CACNG5: variants seen among roughly 807,000 people sequenced by gnomAD.
CACNG5 encodes calcium voltage-gated channel auxiliary subunit gamma 5, also known as voltage-dependent calcium channel gamma-5 subunit.
A neutral mutation model predicts 24.8 loss-of-function variants in CACNG5; 18 were observed. That is an observed-to-expected ratio of 0.73 (90% confidence interval 0.50 to 1.08). CACNG5 has a LOEUF of 1.08. CACNG5 is among the 50% of genes least tolerant of loss of function. The probability of loss-of-function intolerance (pLI) is 0.00; values close to 1 mark genes in which losing one functional copy is unlikely to be tolerated. For missense variants in CACNG5, 349 were observed against 367.9 expected (o/e 0.95, Z 0.42); for synonymous variants, 157 against 149.1 (o/e 1.05, Z -0.39).
At chr17:66,837,850 C>T (rs1976502268) in intron 1 of CACNG5, among the ~76,000 whole-genome samples, 1 of 151,694 alleles carries the variant, frequency 6.6e-6, no homozygotes, top group African/African-American at 2.4e-5. Context: ...CTCAAGAAGG[C>T]CCCAGGGAGA....
At chr17:66,867,940 A>G (rs777472454) in intron 1 of CACNG5, among the ~76,000 whole-genome samples, 23 of 152,126 alleles carry the variant, frequency 1.5e-4, no homozygotes, top group Non-Finnish European at 3.2e-4. Context: ...CTTAGGATTG[A>G]CCTTCCATTT....
At chr17:66,857,940 C>T (rs1976803978) in intron 1 of CACNG5, among the ~76,000 whole-genome samples, 1 of 152,192 alleles carries the variant, frequency 6.6e-6, no homozygotes, top group Non-Finnish European at 1.5e-5. Flanking sequence ...AGATGACACT[C>T]ATGGGCAGCG....
intron 2 of CACNG5, among the ~76,000 whole-genome samples, 180 bp from the exon 3 acceptor site, chr17:66,878,792 T>C (rs561967155): frequency 6.6e-6 from 1 of 152,286 alleles, no homozygotes; most frequent in African/African-American, 2.4e-5. Flanking sequence ...AGGACGTGCC[T>C]CCACCCCTGC....
chr17:66,864,186 A>C (rs1976899679), intron 1 of CACNG5, among the ~76,000 whole-genome samples: 1 of 152,128 alleles, frequency 6.6e-6, no homozygotes, highest in South Asian at 2.1e-4. Flanking sequence ...TCATGAATTG[A>C]GCTGATTTGA....
intron 1 of CACNG5, among the ~76,000 whole-genome samples, chr17:66,873,956 T>A (rs1035827283): frequency 2.6e-5 from 4 of 151,632 alleles, no homozygotes; most frequent in African/African-American, 9.7e-5. Context: ...TTTTTTTCCT[T>A]TTAACCAGAG....
At chr17:66,870,606 T>C (rs961397642) in intron 1 of CACNG5, among the ~76,000 whole-genome samples, 1 of 152,154 alleles carries the variant, frequency 6.6e-6, no homozygotes, top group African/African-American at 2.4e-5. Context: ...TCAGGTTTCT[T>C]ACATGAGGCT....
At chr17:66,865,552 T>G (rs1976917074) in intron 1 of CACNG5, among the ~76,000 whole-genome samples, 1 of 152,148 alleles carries the variant, frequency 6.6e-6, no homozygotes, top group Non-Finnish European at 1.5e-5. Context: ...TCTGTCTATG[T>G]AGCAGGACAT....
At chr17:66,875,429 A>G (rs1274531034) in intron 1 of CACNG5, among the ~76,000 whole-genome samples, 1 of 152,152 alleles carries the variant, frequency 6.6e-6, no homozygotes, top group African/African-American at 2.4e-5. Context: ...AAGCCAATAT[A>G]TGGCTCACTC....
At chr17:66,849,500 G>T (rs1167246313) in intron 1 of CACNG5, among the ~76,000 whole-genome samples, 1 of 152,212 alleles carries the variant, frequency 6.6e-6, no homozygotes, top group Non-Finnish European at 1.5e-5. Flanking sequence ...TGAACCTTGG[G>T]ATTACACTTC....
rs1977145358 is a variant in CACNG5 at position 66,880,624 on chromosome 17, G to A, written c.351G>A (p.Leu117=). The A allele has an allele frequency of 3.1e-6, 5 of 1,614,222 alleles. No individual in the cohort carries two copies. The highest frequency in any genetic ancestry group is 4.2e-6 in the Non-Finnish European group (5 of 1,180,028). The stretch of plus-strand genomic sequence containing the variant: ...TCTTCATGTTCATTGGGTTTATCCT[G>A]AACAACATCGGACACATCCGTCCCC... ...SLFFMFIGFI[L]NNIGHIRPHR... is the part of the protein sequence containing the mutation. Residue 117 remains leucine, a synonymous_variant, in exon 4 of 6, where the codon CTG becomes CTA. Coordinates refer to ENST00000533854, the MANE Select transcript of CACNG5 (RefSeq NM_145811.3).
Position 66,850,580 on chromosome 17 carries a change from A to G in CACNG5, c.-104+15330A>G, listed in dbSNP as rs1041757182. 3.5e-5 allele frequency among the ~76,000 whole-genome samples: 5 copies of G among 144,298 alleles called. No homozygotes were observed. The South Asian group carries it at 9.4e-4, about 27-fold the overall frequency. 94.7% of individuals were successfully genotyped at this position (144,298 alleles called of 152,430 possible). On this transcript the variant is annotated intron_variant, in intron 1 of 5. Coordinates refer to ENST00000533854, the MANE Select transcript of CACNG5 (RefSeq NM_145811.3). ...TTTTAAAATTAAAGTTCACATATAT[A>G]TATACATACACAAATACATACACAC...
intron 4 of CACNG5, among the ~76,000 whole-genome samples, chr17:66,882,592 C>T (rs1187466915): frequency 6.6e-6 from 1 of 152,086 alleles, no homozygotes; most frequent in Non-Finnish European, 1.5e-5. Context: ...TTCATGGAGA[C>T]CTTTTCTTTT....
chr17:66,843,539 G>A (rs1405960470), intron 1 of CACNG5, among the ~76,000 whole-genome samples: 4 of 152,212 alleles, frequency 2.6e-5, no homozygotes, highest in Non-Finnish European at 5.9e-5. Context: ...TAGATGTGGT[G>A]CAGTCTTGGG....
intron 1 of CACNG5, among the ~76,000 whole-genome samples, chr17:66,843,997 C>T (rs1976602906): frequency 6.6e-6 from 1 of 152,072 alleles, no homozygotes; most frequent in Non-Finnish European, 1.5e-5. Context: ...TGTCCATACT[C>T]TCTGGGGTCT....
At chr17:66,855,065 A>G (rs1272356768) in intron 1 of CACNG5, among the ~76,000 whole-genome samples, 1 of 152,240 alleles carries the variant, frequency 6.6e-6, no homozygotes, top group East Asian at 1.9e-4. Flanking sequence ...TGCAGGTGGT[A>G]GAACTACATT....
chr17:66,837,071 AC>A (rs1475223321), intron 1 of CACNG5, among the ~76,000 whole-genome samples: 3 of 152,202 alleles, frequency 2.0e-5, no homozygotes, highest in African/African-American at 4.8e-5. Flanking sequence ...CAGCCTCCTC[AC>A]CTGTAAGATG....
At chr17:66,881,965 T>C (rs1977164178) in intron 4 of CACNG5, among the ~76,000 whole-genome samples, 1 of 152,122 alleles carries the variant, frequency 6.6e-6, no homozygotes, top group African/African-American at 2.4e-5. Context: ...TTCGGGACTT[T>C]AGGAGAAGAC....
intron 1 of CACNG5, among the ~76,000 whole-genome samples, chr17:66,866,308 T>C (rs888842365): frequency 1.3e-5 from 2 of 152,164 alleles, no homozygotes; most frequent in African/African-American, 4.8e-5. Flanking sequence ...AGGATCTTGC[T>C]CTGTCGCCCA....
intron 1 of CACNG5, among the ~76,000 whole-genome samples, chr17:66,850,112 C>T (rs2143044053): frequency 6.6e-6 from 1 of 152,330 alleles, no homozygotes; most frequent in Non-Finnish European, 1.5e-5. Flanking sequence ...CCTTGGCTCT[C>T]AAAAGCAGGC....
Sources: allele counts gnomAD v4.1 joint callset (sites outside exome capture counted in the v4.1 genomes callset), GRCh38; gene constraint gnomAD v4.1.1; transcripts MANE v1.5; gene names NCBI Gene and HGNC (gene_info 2026-07-23, HGNC 2026-07-21).